TXNDC15: variants seen among roughly 807,000 people sequenced by gnomAD.
The protein encoded by TXNDC15 is thioredoxin domain-containing protein 15.
TXNDC15 carries 24 observed loss-of-function variants against 35.0 expected under a neutral mutation model. That is an observed-to-expected ratio of 0.68 (90% CI 0.50 to 0.96). TXNDC15 has a LOEUF of 0.96. TXNDC15 is among the 40% of genes least tolerant of loss of function. The pLI is 0.00. For synonymous variants in TXNDC15, 169 were observed against 174.0 expected (o/e 0.97, Z 0.23); for missense variants, 385 against 453.3 (o/e 0.85, Z 1.37).
intron 1 of TXNDC15, among the ~76,000 whole-genome samples, chr5:134,883,641 G>A (rs1182912001): frequency 1.3e-5 from 2 of 148,924 alleles, no homozygotes; most frequent in African/African-American, 2.5e-5. Flanking sequence ...CTGGTGGCTC[G>A]CTGGCTCACA....
chr5:134,874,552 T>C, intron 1 of TXNDC15, 22 bp downstream of exon 1: 1 of 1,575,268 alleles, frequency 6.3e-7, no homozygotes, highest in East Asian at 2.4e-5. Flanking sequence ...CCGGGGGCGG[T>C]GCATGAGATG....
At chr5:134,877,553 G>A (rs1750057045) in intron 1 of TXNDC15, among the ~76,000 whole-genome samples, 1 of 152,136 alleles carries the variant, frequency 6.6e-6, no homozygotes, top group African/African-American at 2.4e-5. Context: ...TTGCTGAGAA[G>A]TGTTAGTTGG....
chr5:134,885,555 G>A (rs530364406), intron 1 of TXNDC15, among the ~76,000 whole-genome samples: 2 of 152,122 alleles, frequency 1.3e-5, no homozygotes, highest in African/African-American at 2.4e-5. Context: ...TACTTGGGGG[G>A]GCCTCTGCAG....
chr5:134,898,376 T>C (rs1429777164), intron 4 of TXNDC15, among the ~76,000 whole-genome samples: 4 of 152,226 alleles, frequency 2.6e-5, no homozygotes, highest in Admixed American at 1.3e-4. Flanking sequence ...TAAAGCATTG[T>C]AAATTGAAAA....
At chr5:134,877,501 G>A (rs1750056150) in intron 1 of TXNDC15, among the ~76,000 whole-genome samples, 1 of 152,188 alleles carries the variant, frequency 6.6e-6, no homozygotes, top group Non-Finnish European at 1.5e-5. Context: ...GACCAGTTTA[G>A]GTGGCTACAG....
chr5:134,888,505 CAG>C (rs1750323328), intron 2 of TXNDC15, among the ~76,000 whole-genome samples: 1 of 152,134 alleles, frequency 6.6e-6, no homozygotes, highest in Non-Finnish European at 1.5e-5. Flanking sequence ...CCTTTTGAGA[CAG>C]AGTTTTGCTC....
chr5:134,890,564 C>T (rs1750370459), intron 2 of TXNDC15, among the ~76,000 whole-genome samples: 1 of 152,110 alleles, frequency 6.6e-6, no homozygotes, highest in Non-Finnish European at 1.5e-5. Flanking sequence ...GCGTGCTTCA[C>T]ATGCCCAGCT....
chr5:134,878,749 A>C (rs1229202687), intron 1 of TXNDC15, among the ~76,000 whole-genome samples: 2 of 152,236 alleles, frequency 1.3e-5, no homozygotes, highest in African/African-American at 2.4e-5. Context: ...CTGTAATCCC[A>C]GCACACTGGG....
chr5:134,877,225 A>G (rs896997195), intron 1 of TXNDC15, among the ~76,000 whole-genome samples: 1 of 152,100 alleles, frequency 6.6e-6, no homozygotes, highest in African/African-American at 2.4e-5. Context: ...GCCCTCAGGA[A>G]GGCTCTAAGG....
intron 2 of TXNDC15, chr5:134,893,285 G>GTTTATAAC (rs1750423936): frequency 1.9e-6 from 1 of 530,328 alleles, no homozygotes; most frequent in South Asian, 3.1e-5. Flanking sequence ...AAAAGTGAAA[G>GTTTATAAC]TTTATAACTT....
At chr5:134,875,255 T>G (rs1181344411) in intron 1 of TXNDC15, 4 of 456,086 alleles carry the variant, frequency 8.8e-6, no homozygotes, top group Non-Finnish European at 1.8e-5. Flanking sequence ...TTCATGCTCC[T>G]TCACCCCACT....
chr5:134,885,250 G>T (rs879587463), intron 1 of TXNDC15, among the ~76,000 whole-genome samples: 6 of 152,166 alleles, frequency 3.9e-5, no homozygotes, highest in Non-Finnish European at 8.8e-5. Context: ...GCTTTGTTCT[G>T]GGGTACAGTG....
intron 4 of TXNDC15, among the ~76,000 whole-genome samples, chr5:134,896,905 A>C (rs1197658617): frequency 6.6e-6 from 1 of 151,560 alleles, no homozygotes; most frequent in Non-Finnish European, 1.5e-5. Context: ...GGCCTCCCAA[A>C]GTGCTGGGAT....
At chr5:134,880,733 A>G (rs1750125546) in intron 1 of TXNDC15, among the ~76,000 whole-genome samples, 1 of 151,944 alleles carries the variant, frequency 6.6e-6, no homozygotes, top group African/African-American at 2.4e-5. Context: ...GTGAGCCACC[A>G]TGCCCAGCCA....
intron 2 of TXNDC15, among the ~76,000 whole-genome samples, chr5:134,890,450 C>T: frequency 6.6e-6 from 1 of 151,464 alleles, no homozygotes; most frequent in South Asian, 2.1e-4. Context: ...CTCTGTCACC[C>T]AGGCGGGAGT....
intron 2 of TXNDC15, 96 bp from the exon 3 acceptor site, chr5:134,893,396 C>G: frequency 6.8e-7 from 1 of 1,473,068 alleles, no homozygotes; most frequent in South Asian, 1.2e-5. Context: ...CCACCCGTTC[C>G]TCTCCCTGGA....
Position 134,874,417 on chromosome 5 carries a change from C to A in TXNDC15, c.-11C>A, listed in dbSNP as rs1248753082. On this transcript the variant is annotated 5_prime_UTR_variant, in exon 1 of 5. Transcript: ENST00000358387. ...GCGTAGCCGTGCGCCGATTGCCTCT[C>A]GGCCTGGGCAATGGTCCCGGCTGCC... The A allele has an allele frequency of 1.6e-5, 26 of 1,591,188 alleles. No individual in the cohort carries two copies. The highest frequency in any genetic ancestry group is 2.2e-5 in the Non-Finnish European group (26 of 1,173,252).
At chr5:134,882,277 G>A (rs1253595010) in intron 1 of TXNDC15, among the ~76,000 whole-genome samples, 1 of 151,652 alleles carries the variant, frequency 6.6e-6, no homozygotes, top group Admixed American at 6.6e-5. Flanking sequence ...TCACTTCCTA[G>A]ATGGGATGGC....
chr5:134,899,898 G>T lies in TXNDC15; in HGVS notation c.*213G>T. 2.1e-6 allele frequency: 1 copy of T among 470,604 alleles called. No homozygotes were observed. 29.2% of individuals were successfully genotyped at this position (470,604 alleles called of 1,614,324 possible). A position where few individuals can be genotyped will look rare whatever the true frequency, so the allele number is the denominator to read the frequency against. ...GCAAATGCAAAAATATTCAATAGAT[G>T]CACTATTCTTGTTTTTACTGCATGA... On this transcript the variant is annotated 3_prime_UTR_variant, in exon 5 of 5. Coordinates refer to ENST00000358387, the MANE Select transcript of TXNDC15 (RefSeq NM_024715.4).
Sources: gnomAD v4.1 joint callset for allele counts (sites outside exome capture counted in the v4.1 genomes callset) on GRCh38, gnomAD v4.1.1 for gene constraint, MANE v1.5 for transcripts, NCBI Gene and HGNC (gene_info 2026-07-23, HGNC 2026-07-21) for gene names.